SLC38A2: variants seen among roughly 807,000 people sequenced by gnomAD.
SLC38A2 encodes solute carrier family 38 member 2.
Under a neutral mutation model 61.5 loss-of-function variants are expected in SLC38A2, and 11 were observed. That is an observed-to-expected ratio of 0.18 (90% CI 0.11 to 0.30). The LOEUF is 0.30. Among genes scored for constraint, SLC38A2 ranks in the 10% least tolerant of loss-of-function variants. The pLI, the probability that SLC38A2 is intolerant of heterozygous loss-of-function variation, is 1.00. For missense variants in SLC38A2, 522 were observed against 600.4 expected, an observed-to-expected ratio of 0.87 and a Z score of 1.36; for synonymous variants, 217 against 212.5, an observed-to-expected ratio of 1.02 and a Z score of -0.18.
intron 6 of SLC38A2, 60 bp from the exon 7 acceptor site, chr12:46,367,005 G>A (rs971916710): frequency 3.8e-6 from 6 of 1,594,088 alleles, no homozygotes; most frequent in South Asian, 1.1e-5. Context: ...ACACTAAAAC[G>A]CATGTGTCAC....
Position 46,372,497 on chromosome 12 carries a change from C to A in SLC38A2, c.-87+12G>T, listed in dbSNP as rs561502620. 4 of 388,970 alleles carry A rather than the reference C, an allele frequency of 1.0e-5. No individual in the cohort carries two copies. In the South Asian group the frequency reaches 4.3e-4, roughly 42 times the overall value. The allele number at this position is 388,970 out of a possible 1,614,324, so 24.1% of individuals were successfully genotyped here. A position where few individuals can be genotyped will look rare whatever the true frequency, so the allele number is the denominator to read the frequency against. On this transcript the variant is annotated intron_variant, in intron 1 of 15. Coordinates refer to ENST00000256689, the MANE Select transcript of SLC38A2 (RefSeq NM_018976.5). ...CGCGCCCTTCCCACAGACGCCCCCC[C>A]GCACGCGTTACCTCGGTGGTCTCTA...
intron 4 of SLC38A2, among the ~76,000 whole-genome samples, chr12:46,370,055 A>C (rs905074962): frequency 6.6e-6 from 1 of 152,198 alleles, no homozygotes; most frequent in East Asian, 1.9e-4. Flanking sequence ...ATACCACCAC[A>C]CCTTGTATGT....
At position 46,363,255 on chromosome 12, in the gene SLC38A2, T is replaced by C. The variant is rs1943103133; in HGVS notation, c.1055-110A>G. 4.1e-6 allele frequency: 5 copies of C among 1,224,866 alleles called. No individual in the cohort carries two copies. The East Asian group carries it at 1.2e-4, about 29-fold the overall frequency. 75.9% of individuals were successfully genotyped at this position (1,224,866 alleles called of 1,614,324 possible). On this transcript the variant is annotated intron_variant, in intron 12 of 15. Transcript: ENST00000256689. ...TATTTAGCTACTCACAAAACGACTA[T>C]AAACTAAGAGGCTAATAAGATTTGT...
rs1340222447 is a variant in SLC38A2, at chr12:46,358,303, TAC to T, written c.*2806_*2807del. 1 of 152,660 alleles carries T rather than the reference TAC, an allele frequency of 6.6e-6. No homozygotes were observed. The highest frequency in any genetic ancestry group is 1.5e-5 in the Non-Finnish European group (1 of 68,044). The allele number at this position is 152,660 out of a possible 1,614,324, so 9.5% of individuals were successfully genotyped here. A position where few individuals can be genotyped will look rare whatever the true frequency, so the allele number is the denominator to read the frequency against. ...TACTAGAATTGTTGGCCTCTAACAGTACAGTGGGGATATTTACACTATATACA... is the reference window on the plus strand; with the variant it reads ...TACTAGAATTGTTGGCCTCTAACAGTAGTGGGGATATTTACACTATATACA... On this transcript the variant is annotated 3_prime_UTR_variant, in exon 16 of 16. Coordinates refer to ENST00000256689, the MANE Select transcript of SLC38A2 (RefSeq NM_018976.5).
chr12:46,363,650 G>A (rs1420097103), intron 12 of SLC38A2, 76 bp downstream of exon 12: 4 of 878,748 alleles, frequency 4.6e-6, no homozygotes, highest in Non-Finnish European at 7.0e-6. Context: ...ACTACACATA[G>A]AAAACTAGCA....
rs1433403783 is a variant in SLC38A2, at chr12:46,362,019, G to A, written c.1422+265C>T. On this transcript the variant is annotated intron_variant, in intron 15 of 15. Transcript: ENST00000256689. ...TGGTTGAACAAATGTTGAAAGCTGA[G>A]TATCTCATCTAGTCTTCATCCCTAT... 3 of 286,396 alleles carry A rather than the reference G, an allele frequency of 1.0e-5. No homozygotes were observed. The Admixed American group carries it at 1.5e-4, about 14-fold the overall frequency. 17.7% of individuals were successfully genotyped at this position (286,396 alleles called of 1,614,324 possible).
At chr12:46,371,742 A>C in intron 1 of SLC38A2, 2 of 178,526 alleles carry the variant, frequency 1.1e-5, no homozygotes, top group Non-Finnish European at 2.3e-5. Flanking sequence ...TCCAGCCCCG[A>C]CCCTGGCTCG....
chr12:46,367,039 T>C, intron 6 of SLC38A2, 37 bp downstream of exon 6: 1 of 1,606,492 alleles, frequency 6.2e-7, no homozygotes. Flanking sequence ...ACAATGAGCA[T>C]AAAGTCTACC....
At chr12:46,371,998 A>G (rs1426390346) in intron 1 of SLC38A2, among the ~76,000 whole-genome samples, 1 of 152,012 alleles carries the variant, frequency 6.6e-6, no homozygotes, top group Non-Finnish European at 1.5e-5. Context: ...GTCCACAGGC[A>G]GCTGGCCCGC....
chr12:46,358,332 A>G lies in SLC38A2; in HGVS notation c.*2779T>C, dbSNP rs995265456. 8.5e-5 allele frequency: 13 copies of G among 152,644 alleles called. No homozygotes were observed. Among genetic ancestry groups the G allele is most frequent in the African/African-American group, 2.9e-4 (12 of 41,458 alleles). The allele number at this position is 152,644 out of a possible 1,614,324, so 9.5% of individuals were successfully genotyped here. A position where few individuals can be genotyped will look rare whatever the true frequency, so the allele number is the denominator to read the frequency against. ...GTGGGGATATTTACACTATATACACAAAGTTAATACACCCAGGTTCTCAAA... is the reference window on the plus strand; with the variant it reads ...GTGGGGATATTTACACTATATACACGAAGTTAATACACCCAGGTTCTCAAA... On this transcript the variant is annotated 3_prime_UTR_variant, in exon 16 of 16. Coordinates refer to ENST00000256689, the MANE Select transcript of SLC38A2 (RefSeq NM_018976.5).
At position 46,359,254 on chromosome 12, in the gene SLC38A2, A is replaced by G. The variant is rs1444926317; in HGVS notation, c.*1857T>C. 1 of 152,648 alleles carries G rather than the reference A, an allele frequency of 6.6e-6. No individual in the cohort carries two copies. Among genetic ancestry groups the G allele is most frequent in the Non-Finnish European group, 1.5e-5 (1 of 68,038 alleles). 9.5% of individuals were successfully genotyped at this position (152,648 alleles called of 1,614,324 possible). On this transcript the variant is annotated 3_prime_UTR_variant, in exon 16 of 16. Transcript: ENST00000256689. ...AATGGAGTGCCTAAAGCCCAATTAA[A>G]TGAAAGCAGTGCCGTAGAATCTGTC...
chr12:46,364,241 A>G (rs184862889), intron 10 of SLC38A2, 148 bp downstream of exon 10: 1 of 942,502 alleles, frequency 1.1e-6, no homozygotes, highest in East Asian at 2.6e-5. Flanking sequence ...GATGTAAACC[A>G]AAACTTTCTT....
intron 4 of SLC38A2, among the ~76,000 whole-genome samples, chr12:46,368,451 C>A (rs927866892): frequency 6.6e-6 from 1 of 152,094 alleles, no homozygotes; most frequent in Non-Finnish European, 1.5e-5. Context: ...CCTAATTTTC[C>A]TTTAGGGTAA....
chr12:46,363,755 G>T lies in SLC38A2; in HGVS notation c.1025C>A (p.Ala342Asp), dbSNP rs754143596. Residue 342 changes from alanine to aspartate, a missense_variant, in exon 12 of 16, where the codon GCC becomes GAC. Ala to Asp is a moderately radical substitution (Grantham distance 126, BLOSUM62 -2). Around this residue, in one of 3 missense-constraint regions of SLC38A2, gnomAD observed 309 missense variants for 343.9 expected, o/e 0.90. Coordinates refer to ENST00000256689, the MANE Select transcript of SLC38A2 (RefSeq NM_018976.5). ...AAATGTTAGGTATCCAAAGAGGGCG[G>T]CAAGCAGATACATGAGAAACATAGC... Reference protein sequence around the residue: ...FFAMFLMYLLAALFGYLTFYE... With the variant: ...FFAMFLMYLLDALFGYLTFYE... 1.3e-6 allele frequency: 2 copies of T among 1,591,360 alleles called. No homozygotes were observed. The highest frequency in any genetic ancestry group is 2.3e-5 in the South Asian group (2 of 86,248).
chr12:46,371,485 T>C (rs1943199769), intron 1 of SLC38A2, 106 bp from the exon 2 acceptor site: 1 of 557,394 alleles, frequency 1.8e-6, no homozygotes. Flanking sequence ...GCCAGGCGAG[T>C]GGAAAAGTAC....
In SLC38A2 at chr12:46,367,322, C is replaced by T. The variant is rs117645917; in HGVS notation, c.333G>A (p.Val111=). 337 of 1,587,704 alleles carry T rather than the reference C, an allele frequency of 2.1e-4. 4 individuals carry two copies. In the East Asian group the frequency reaches 7.5e-3, roughly 35 times the overall value. The change falls in exon 5 of 16, where the codon GTG becomes GTA. Residue 111 remains valine (V), a synonymous_variant. Transcript: ENST00000256689. ...GAACAGAATACAGGGAAAATATTGA[C>T]ACAAATGTCAAGAGAATTCTGGTGA... ...IALFIILLTF[V]SIFSLYSVHL... is the part of the protein sequence containing the mutation.
rs764197280 is a variant in SLC38A2, at chr12:46,363,830, T to C, written c.954-4A>G. Reference sequence around the variant, plus strand: ...CATCATTCTTCTACGGCTGCGGCTATGTAATTCAAGAGAAAATTCAAATAT... The same window carrying C: ...CATCATTCTTCTACGGCTGCGGCTACGTAATTCAAGAGAAAATTCAAATAT... On this transcript the variant is annotated splice_polypyrimidine_tract_variant and splice_region_variant and intron_variant, in intron 11 of 15. Transcript: ENST00000256689. 1.0e-5 allele frequency: 16 copies of C among 1,590,232 alleles called. No homozygotes were observed. In the Admixed American group the frequency reaches 1.7e-4, roughly 17 times the overall value.
In SLC38A2 at chr12:46,371,236, A is replaced by T; in HGVS notation, c.58T>A (p.Tyr20Asn). The T allele has an allele frequency of 6.2e-7, 1 of 1,614,226 alleles. No individual in the cohort carries two copies. The highest frequency in any genetic ancestry group is 8.5e-7 in the Non-Finnish European group (1 of 1,180,034). Residue 20 changes from tyrosine to asparagine, a missense_variant, in exon 2 of 16, where the codon TAC (tyrosine) becomes AAC (asparagine). This residue lies in a region of SLC38A2 where 102 missense variants were observed against 83.1 expected (regional missense o/e 1.23). Coordinates refer to ENST00000256689, the MANE Select transcript of SLC38A2 (RefSeq NM_018976.5). ...SISPDEDSSS[Y>N]SSNSDFNYSY... is the part of the protein sequence containing the mutation. ...TAGTTGAAGTCGCTGTTGGAACTGTAGCTGCTGCTGTCTTCATCCGGGGAA... is the reference window on the plus strand; with the variant it reads ...TAGTTGAAGTCGCTGTTGGAACTGTTGCTGCTGCTGTCTTCATCCGGGGAA...
At chr12:46,364,254 C>T (rs1382553912) in intron 10 of SLC38A2, 135 bp downstream of exon 10, 3 of 994,788 alleles carry the variant, frequency 3.0e-6, no homozygotes, top group Non-Finnish European at 4.3e-6. Context: ...ACTTTCTTCA[C>T]AGTCCTCAAT....
Sources: gnomAD v4.1 joint callset for allele counts (sites outside exome capture counted in the v4.1 genomes callset) on GRCh38, gnomAD v4.1.1 for gene constraint, gnomAD v4.1.1 regional missense constraint, MANE v1.5 for transcripts, NCBI Gene and HGNC (gene_info 2026-07-23, HGNC 2026-07-21) for gene names.